Variants in TNRC6A observed in about 807,000 individuals in gnomAD.
TNRC6A encodes the protein trinucleotide repeat containing adaptor 6A.
A neutral mutation model predicts 221.2 loss-of-function variants in TNRC6A; 44 were observed. That is an observed-to-expected ratio of 0.20 (90% CI 0.16 to 0.26). The LOEUF (loss-of-function observed/expected upper bound fraction) is 0.26, where lower values mean the gene tolerates loss of function less well. TNRC6A is among the 10% of genes least tolerant of loss of function. The probability of loss-of-function intolerance (pLI) is 1.00; values close to 1 mark genes in which losing one functional copy is unlikely to be tolerated. For synonymous variants in TNRC6A, 847 were observed against 838.5 expected, an observed-to-expected ratio of 1.01 and a Z score of -0.18; for missense variants, 2,199 against 2,404.4, an observed-to-expected ratio of 0.91 and a Z score of 1.79.
chr16:24,738,072 G>T (rs1044313938), intron 2 of TNRC6A, among the ~76,000 whole-genome samples: 20 of 152,122 alleles, frequency 1.3e-4, no homozygotes, highest in Admixed American at 1.3e-3. Context: ...CAGGTTAATC[G>T]TCCTCGAGCC....
intron 17 of TNRC6A, 29 bp downstream of exon 17, chr16:24,806,813 A>G: frequency 6.2e-7 from 1 of 1,607,436 alleles, no homozygotes; most frequent in Non-Finnish European, 8.5e-7. Context: ...CAAGTATTGG[A>G]CTGATGCTTA....
At chr16:24,769,277 G>T (rs1326922864) in intron 4 of TNRC6A, among the ~76,000 whole-genome samples, 1 of 151,892 alleles carries the variant, frequency 6.6e-6, no homozygotes, top group Non-Finnish European at 1.5e-5. Context: ...TTGTCTTATT[G>T]GTGCATTTCA....
Position 24,658,079 on chromosome 16 carries a change from T to C in TNRC6A, n.402+17070T>C, listed in dbSNP as rs563438514. ...TTTCTCCGTGCCTGGATACAATTTATATAGAAGCAGAATTGCTTATTTCTT... is the reference window on the plus strand; with the variant it reads ...TTTCTCCGTGCCTGGATACAATTTACATAGAAGCAGAATTGCTTATTTCTT... On this transcript the variant is annotated intron_variant and non_coding_transcript_variant, in intron 2 of 2. Coordinates refer to the TNRC6A transcript ENST00000566108. Among the ~76,000 whole-genome samples, 3 of 152,310 alleles carry C rather than the reference T, an allele frequency of 2.0e-5. No homozygotes were observed. The South Asian group carries it at 6.2e-4, about 32-fold the overall frequency.
intron 1 of TNRC6A, among the ~76,000 whole-genome samples, chr16:24,612,457 G>A (rs1555477990): frequency 6.6e-6 from 1 of 151,878 alleles, no homozygotes; most frequent in Non-Finnish European, 1.5e-5. Context: ...TCGAAAGAAA[G>A]CTATCCAGGC....
At chr16:24,793,878 A>T (rs11860117) in intron 7 of TNRC6A, among the ~76,000 whole-genome samples, 1 of 152,192 alleles carries the variant, frequency 6.6e-6, no homozygotes, top group Non-Finnish European at 1.5e-5. Context: ...TCATTTGCAT[A>T]TACTTCATCA....
chr16:24,628,024 A>T (rs946873487), intron 1 of TNRC6A, among the ~76,000 whole-genome samples: 2 of 151,724 alleles, frequency 1.3e-5, no homozygotes, highest in African/African-American at 4.8e-5. Flanking sequence ...GCAATTTTGG[A>T]TTTATATGTA....
At chr16:24,751,439 A>G in intron 3 of TNRC6A, among the ~76,000 whole-genome samples, 1 of 152,210 alleles carries the variant, frequency 6.6e-6, no homozygotes. Flanking sequence ...TAAACTAGCT[A>G]ATTTAGTATA....
rs548967496 is a variant in TNRC6A, at chr16:24,824,505, T to A, written c.*698T>A. The A allele has an allele frequency of 2.0e-5, 3 of 152,716 alleles. No individual in the cohort carries two copies. Among genetic ancestry groups the A allele is most frequent in the Admixed American group, 2.0e-4 (3 of 15,302 alleles). The allele number at this position is 152,716 out of a possible 1,614,324, so 9.5% of individuals were successfully genotyped here. On this transcript the variant is annotated 3_prime_UTR_variant, in exon 25 of 25. Transcript: ENST00000395799. ...GCCACCCAGGACGGGCCCTGCACTTTGAATAGGCTTTCCATTTTGTTTTGG... is the reference window on the plus strand; with the variant it reads ...GCCACCCAGGACGGGCCCTGCACTTAGAATAGGCTTTCCATTTTGTTTTGG...
intron 2 of TNRC6A, among the ~76,000 whole-genome samples, chr16:24,649,519 G>A (rs112955749): frequency 0.049 from 7,494 of 151,704 alleles, 222 homozygotes; most frequent in African/African-American, 0.077. Context: ...ATGTTGCCCA[G>A]GTTGGTTTCA....
intron 1 of TNRC6A, among the ~76,000 whole-genome samples, chr16:24,620,213 C>T (rs955127267): frequency 1.3e-5 from 2 of 152,072 alleles, no homozygotes; most frequent in Admixed American, 6.6e-5. Flanking sequence ...ATACTAGCTT[C>T]GTGGCATTGA....
chr16:24,629,380 T>G (rs1901213363), intron 1 of TNRC6A, among the ~76,000 whole-genome samples: 1 of 152,230 alleles, frequency 6.6e-6, no homozygotes, highest in African/African-American at 2.4e-5. Flanking sequence ...AAGTCTGAAA[T>G]TATTTATTAA....
At position 24,823,709 on chromosome 16, in the gene TNRC6A, C is replaced by T. The variant is rs748601972; in HGVS notation, c.5791C>T (p.Pro1931Ser). ...TPHYSTSLWG[P>S]PSSSDPRGIS... ...GCATTATTCCACAAGCCTGTGGGGT[C>T]CCCCAAGCAGCAGCGACCCCCGAGG... Residue 1931 changes from proline (P) to serine (S), a missense_variant, in exon 25 of 25, where the codon CCC becomes TCC. By Grantham distance (74) the Pro-to-Ser change is moderately conservative (BLOSUM62 -1). This residue lies in a region of TNRC6A where 130 missense variants were observed against 121.7 expected (regional missense o/e 1.07). Transcript: ENST00000395799. The surrounding 1 kb of genome is among the most constrained non-coding windows in gnomAD (Gnocchi z 4.3). 5 of 1,570,626 alleles carry T rather than the reference C, an allele frequency of 3.2e-6. No homozygotes were observed. Among genetic ancestry groups the T allele is most frequent in the Non-Finnish European group, 4.3e-6 (5 of 1,158,434 alleles).
chr16:24,714,879 GT>G (rs566800021), intron 2 of TNRC6A, among the ~76,000 whole-genome samples: 60 of 140,234 alleles, frequency 4.3e-4, no homozygotes, highest in East Asian at 1.3e-3. Context: ...TAGTTTTTTT[GT>G]TTTTTTTTTT....
chr16:24,788,936 C>T (rs1329429268), intron 5 of TNRC6A, among the ~76,000 whole-genome samples: 3 of 152,196 alleles, frequency 2.0e-5, no homozygotes, highest in Non-Finnish European at 4.4e-5. Flanking sequence ...GCGTGAGCCA[C>T]CACGCCCGGC....
chr16:24,687,843 G>GAAAGAAGAAGAAGAAGAAGAA (rs1555489487), intron 2 of TNRC6A, among the ~76,000 whole-genome samples: 1 of 101,856 alleles, frequency 9.8e-6, no homozygotes, highest in East Asian at 2.8e-4. Flanking sequence ...AAGAGGAAGA[G>GAAAGAAGAAGAAGAAGAAGAA]GAAGAAGAAG....
chr16:24,775,964 T>C lies in TNRC6A; in HGVS notation c.164-969T>C, dbSNP rs115528130. The stretch of plus-strand genomic sequence containing the variant: ...AATAGCCACTGTTTATATAGCCTTA[T>C]GTTCTGTGTTTTATAAACATGAAGA... On this transcript the variant is annotated intron_variant, in intron 4 of 24. Coordinates refer to ENST00000395799, the MANE Select transcript of TNRC6A (RefSeq NM_014494.4). Among the ~76,000 whole-genome samples, 426 of 152,360 alleles carry C rather than the reference T, an allele frequency of 2.8e-3. 5 individuals carry two copies. Among genetic ancestry groups the C allele is most frequent in the African/African-American group, 9.9e-3 (413 of 41,586 alleles).
chr16:24,666,653 AAAAAAAAAAAAAAAAATAT>A (rs1257020441), intron 2 of TNRC6A, among the ~76,000 whole-genome samples: 11 of 123,238 alleles, frequency 8.9e-5, no homozygotes, highest in Non-Finnish European at 1.3e-4. Flanking sequence ...AAAAAAAAAA[AAAAAAAAAAAAAAAAATAT>A]ATATATATAT....
chr16:24,709,308 C>G (rs956573088), intron 2 of TNRC6A, among the ~76,000 whole-genome samples: 1 of 151,344 alleles, frequency 6.6e-6, no homozygotes, highest in Non-Finnish European at 1.5e-5. Flanking sequence ...GACTTCTTTT[C>G]CTTTGGGTAG....
At chr16:24,784,474 C>G (rs2057923952) in intron 5 of TNRC6A, among the ~76,000 whole-genome samples, 1 of 152,182 alleles carries the variant, frequency 6.6e-6, no homozygotes, top group African/African-American at 2.4e-5. Context: ...CAGGTATATG[C>G]TACTACACCC....
Sources: gnomAD v4.1 joint callset for allele counts (sites outside exome capture counted in the v4.1 genomes callset) on GRCh38, gnomAD v4.1.1 for gene constraint, gnomAD v4.1.1 regional missense constraint, Gnocchi (gnomAD v3.1) non-coding constraint, MANE v1.5 for transcripts, NCBI Gene and HGNC (gene_info 2026-07-23, HGNC 2026-07-21) for gene names.